COL23A1: variants seen among roughly 807,000 people sequenced by gnomAD.
COL23A1 encodes the protein collagen type XXIII alpha 1 chain, also known as collagen alpha-1(XXIII) chain.
In COL23A1, 97 loss-of-function variants were observed where a neutral mutation model predicts 99.3. That is an observed-to-expected ratio of 0.98 (90% CI 0.83 to 1.16). The LOEUF is 1.16. Ranked by LOEUF, COL23A1 falls within the 50% of genes most tolerant of loss-of-function variation. The probability of loss-of-function intolerance (pLI) is 0.00; values close to 1 mark genes in which losing one functional copy is unlikely to be tolerated. For missense variants in COL23A1, 762 were observed against 757.4 expected (o/e 1.01, Z -0.07); for synonymous variants, 320 against 308.2 (o/e 1.04, Z -0.40).
intron 2 of COL23A1, among the ~76,000 whole-genome samples, chr5:178,549,058 C>T (rs577134795): frequency 3.3e-5 from 5 of 152,224 alleles, no homozygotes; most frequent in African/African-American, 9.6e-5. Context: ...TGCAATGGCA[C>T]GATCTCGGCT....
At chr5:178,293,548 G>T (rs1581095928) in intron 3 of COL23A1, among the ~76,000 whole-genome samples, 1 of 152,294 alleles carries the variant, frequency 6.6e-6, no homozygotes, top group East Asian at 1.9e-4. Context: ...AGCAGAAAGG[G>T]CCACGGGGGC....
chr5:178,246,501 C>T (rs1262876476), intron 22 of COL23A1, 48 bp from the exon 23 acceptor site: 2 of 1,535,162 alleles, frequency 1.3e-6, no homozygotes, highest in Non-Finnish European at 1.8e-6. Flanking sequence ...GTTAGACAGA[C>T]AGTAGGACAG....
chr5:178,412,022 TCCATTGA>T (rs1453287313), intron 2 of COL23A1, among the ~76,000 whole-genome samples: 2 of 152,208 alleles, frequency 1.3e-5, no homozygotes, highest in Non-Finnish European at 2.9e-5. Flanking sequence ...ACTAGGCAAG[TCCATTGA>T]CAGAGTTTTT....
At chr5:178,401,797 T>C (rs756361996) in intron 2 of COL23A1, among the ~76,000 whole-genome samples, 25 of 152,156 alleles carry the variant, frequency 1.6e-4, no homozygotes, top group Non-Finnish European at 1.3e-4. Context: ...TCACCAACAC[T>C]TGGTATTGCT....
chr5:178,350,196 C>G (rs1761242185), intron 2 of COL23A1, among the ~76,000 whole-genome samples: 1 of 152,270 alleles, frequency 6.6e-6, no homozygotes, highest in African/African-American at 2.4e-5. Context: ...ATGCCACCTC[C>G]TCCAGGACGC....
chr5:178,288,479 G>T lies in COL23A1; in HGVS notation c.415-129C>A. 3 of 818,216 alleles carry T rather than the reference G, an allele frequency of 3.7e-6. 1 individual carries two copies. Among genetic ancestry groups the T allele is most frequent in the South Asian group, 2.7e-5 (2 of 74,806 alleles). The allele number at this position is 818,216 out of a possible 1,614,324, so 50.7% of individuals were successfully genotyped here. The stretch of plus-strand genomic sequence containing the variant: ...CTGGTTGGTGACTTCCTCTGCAGCG[G>T]GAGGACTCAAGGGCTCCAGGGGTCT... On this transcript the variant is annotated intron_variant, in intron 4 of 28. Transcript: ENST00000390654.
At chr5:178,479,564 G>A (rs1757220323) in intron 2 of COL23A1, among the ~76,000 whole-genome samples, 1 of 152,230 alleles carries the variant, frequency 6.6e-6, no homozygotes, top group Admixed American at 6.5e-5. Flanking sequence ...CCGTTCCCAG[G>A]AAGTGGCCAG....
At chr5:178,445,999 CTA>C (rs1767139560) in intron 2 of COL23A1, among the ~76,000 whole-genome samples, 1 of 152,122 alleles carries the variant, frequency 6.6e-6, no homozygotes, top group African/African-American at 2.4e-5. Flanking sequence ...AGCAAAATAA[CTA>C]TGACTGTCTA....
intron 2 of COL23A1, among the ~76,000 whole-genome samples, chr5:178,367,695 T>C (rs1221624341): frequency 1.3e-5 from 2 of 152,186 alleles, no homozygotes; most frequent in Non-Finnish European, 2.9e-5. Flanking sequence ...CATCGTACAA[T>C]GTGGCTCTCT....
rs761400551 is a variant in COL23A1, at chr5:178,249,199, T to C, written c.1067A>G (p.Lys356Arg). Residue 356 changes from lysine (K) to arginine (R), a missense_variant, in exon 19 of 29, where the codon AAA becomes AGA. Transcript: ENST00000390654. Reference sequence around the variant, plus strand: ...CTCTCCTGGGTCTCCTTTCTGTCCTTTGGGGCCCTGAAAGCCATAAGCACA... The same window carrying C: ...CTCTCCTGGGTCTCCTTTCTGTCCTCTGGGGCCCTGAAAGCCATAAGCACA... ...APGIDGEKGP[K>R]GQKGDPGEPG... is the part of the protein sequence containing the mutation. 3.1e-6 allele frequency: 5 copies of C among 1,614,200 alleles called. No homozygotes were observed. In the South Asian group the frequency reaches 4.4e-5, roughly 14 times the overall value.
chr5:178,279,982 CTGGA>C (rs1368640382), intron 5 of COL23A1, among the ~76,000 whole-genome samples: 7 of 152,236 alleles, frequency 4.6e-5, no homozygotes, highest in African/African-American at 1.7e-4. Context: ...GGAGGGACCC[CTGGA>C]TGTGTTTCCT....
chr5:178,504,117 T>A (rs1429255360), intron 2 of COL23A1, among the ~76,000 whole-genome samples: 3 of 152,144 alleles, frequency 2.0e-5, no homozygotes, highest in African/African-American at 4.8e-5. Context: ...TGAGTTCCTG[T>A]CATCTTTTCG....
At chr5:178,498,212 A>ATT (rs1758302833) in intron 2 of COL23A1, among the ~76,000 whole-genome samples, 12 of 23,618 alleles carry the variant, frequency 5.1e-4, no homozygotes, top group African/African-American at 5.1e-3. Context: ...TTAAATATAT[A>ATT]TATATATATA....
At chr5:178,419,259 C>T (rs548370330) in intron 2 of COL23A1, among the ~76,000 whole-genome samples, 1 of 152,202 alleles carries the variant, frequency 6.6e-6, no homozygotes, top group East Asian at 1.9e-4. Flanking sequence ...TGCTCAGGAA[C>T]TCTGTTCTCG....
intron 2 of COL23A1, among the ~76,000 whole-genome samples, chr5:178,423,908 G>C (rs1398772074): frequency 6.6e-6 from 1 of 152,156 alleles, no homozygotes; most frequent in Non-Finnish European, 1.5e-5. Flanking sequence ...TGGTAGCTGT[G>C]GCCCCTCACC....
rs1028104808 is a variant in COL23A1, at chr5:178,477,495, A to G, written c.361+83187T>C. On this transcript the variant is annotated intron_variant, in intron 2 of 28. Transcript: ENST00000390654. ...CTTGTTTAAATGAAAAGCAGACAGC[A>G]GAAGCAGAACGTCCTCAAAAGAGTG... Among the ~76,000 whole-genome samples, 16 of 152,372 alleles carry G rather than the reference A, an allele frequency of 1.1e-4. No homozygotes were observed. The East Asian group carries it at 2.3e-3, about 22-fold the overall frequency.
At chr5:178,350,495 A>G (rs1267984015) in intron 2 of COL23A1, among the ~76,000 whole-genome samples, 1 of 152,146 alleles carries the variant, frequency 6.6e-6, no homozygotes, top group African/African-American at 2.4e-5. Flanking sequence ...GGCTGGGCCC[A>G]GCGCGATGTC....
At chr5:178,539,284 C>T (rs544074940) in intron 2 of COL23A1, among the ~76,000 whole-genome samples, 5 of 152,210 alleles carry the variant, frequency 3.3e-5, no homozygotes, top group South Asian at 2.1e-4. Flanking sequence ...CGGTGGCTCA[C>T]GCCTGTAATC....
intron 2 of COL23A1, among the ~76,000 whole-genome samples, chr5:178,492,939 TATGGAAAGGACTAA>T (rs1161281810): frequency 6.6e-6 from 1 of 152,112 alleles, no homozygotes; most frequent in Non-Finnish European, 1.5e-5. Flanking sequence ...CCTCACAGGG[TATGGAAAGGACTAA>T]ATGACTTCAT....
Sources: allele counts gnomAD v4.1 joint callset (sites outside exome capture counted in the v4.1 genomes callset), GRCh38; gene constraint gnomAD v4.1.1; transcripts MANE v1.5; gene names NCBI Gene and HGNC (gene_info 2026-07-23, HGNC 2026-07-21).